Variants in SERPINA12 observed in about 807,000 individuals in gnomAD.
SERPINA12 encodes the protein serpin family A member 12.
In SERPINA12, 21 loss-of-function variants were observed where a neutral mutation model predicts 25.9. That is an observed-to-expected ratio of 0.81 (90% CI 0.58 to 1.17). The LOEUF (loss-of-function observed/expected upper bound fraction) is 1.17. SERPINA12 is among the 50% of genes most tolerant of loss of function. The pLI is 0.00. For synonymous variants in SERPINA12, 220 were observed against 196.0 expected (o/e 1.12, Z -1.02); for missense variants, 562 against 508.3 (o/e 1.11, Z -1.02).
chr14:94,511,792 C>T (rs1457959533), upstream of SERPINA12: 1 of 880,726 alleles, frequency 1.1e-6, no homozygotes, highest in African/African-American at 1.8e-5. Context: ...CACAAGTCCT[C>T]ATAAGCTCAC....
chr14:94,489,133 AAGAG>A lies in SERPINA12; in HGVS notation c.1053+483_1053+486del, dbSNP rs368739327. On this transcript the variant is annotated intron_variant, in intron 4 of 4. Coordinates refer to ENST00000677451, the MANE Select transcript of SERPINA12 (RefSeq NM_001382267.1). ...AAAGAAAGAAAGGAAGGAAGGAAGGAAGAGAGAGAGAGAGAGAGAAAGAAAGAAA... is the reference window on the plus strand; with the variant it reads ...AAAGAAAGAAAGGAAGGAAGGAAGGAAGAGAGAGAGAGAGAAAGAAAGAAA... 1.1e-3 allele frequency among the ~76,000 whole-genome samples: 158 copies of A among 145,778 alleles called. 2 individuals are homozygous for A. The highest frequency in any genetic ancestry group is 8.0e-4 in the East Asian group (4 of 4,980).
chr14:94,507,279 A>G (rs763504554), intron 1 of SERPINA12, among the ~76,000 whole-genome samples: 40 of 152,260 alleles, frequency 2.6e-4, no homozygotes, highest in Non-Finnish European at 3.5e-4. Flanking sequence ...AGCTTCTAGA[A>G]GAAAATATAT....
chr14:94,511,664 C>T (rs917068862), upstream of SERPINA12: 1 of 985,332 alleles, frequency 1.0e-6, no homozygotes, highest in African/African-American at 1.7e-5. Context: ...CTCTCACCTG[C>T]CTTTCCCTCA....
chr14:94,494,695 T>C (rs1481493949), intron 3 of SERPINA12, among the ~76,000 whole-genome samples: 2 of 152,212 alleles, frequency 1.3e-5, no homozygotes, highest in Non-Finnish European at 2.9e-5. Flanking sequence ...GCTGAGAACC[T>C]TGGAGCTCTG....
chr14:94,509,969 C>G, upstream of SERPINA12: 1 of 985,376 alleles, frequency 1.0e-6, no homozygotes, highest in Non-Finnish European at 1.2e-6. Context: ...CACAGATGTT[C>G]ACATGGCCCT....
intron 4 of SERPINA12, among the ~76,000 whole-genome samples, chr14:94,487,980 A>C: frequency 6.6e-6 from 1 of 152,166 alleles, no homozygotes; most frequent in Non-Finnish European, 1.5e-5. Context: ...AACGTCTGTA[A>C]ACAGGTGATC....
chr14:94,502,478 T>C (rs1458043554), intron 1 of SERPINA12, among the ~76,000 whole-genome samples: 1 of 152,184 alleles, frequency 6.6e-6, no homozygotes, highest in Admixed American at 6.5e-5. Flanking sequence ...ATATTTCTAA[T>C]TTTACAAAGC....
At chr14:94,500,971 T>G in intron 1 of SERPINA12, 1 of 983,750 alleles carries the variant, frequency 1.0e-6, no homozygotes, top group Non-Finnish European at 1.2e-6. Context: ...AGAAAGCACT[T>G]CCCTCTCTGA....
chr14:94,506,222 G>T (rs1040256566), intron 1 of SERPINA12, among the ~76,000 whole-genome samples: 5 of 152,268 alleles, frequency 3.3e-5, no homozygotes, highest in African/African-American at 9.6e-5. Flanking sequence ...TTACATTATT[G>T]CCATGTGTAG....
intron 4 of SERPINA12, among the ~76,000 whole-genome samples, chr14:94,488,496 G>C (rs1277304948): frequency 6.6e-6 from 1 of 151,830 alleles, no homozygotes; most frequent in Non-Finnish European, 1.5e-5. Context: ...CCCAAAGTAG[G>C]GTTGCCAGGT....
chr14:94,487,558 G>A, intron 4 of SERPINA12, 64 bp from the exon 5 acceptor site: 2 of 1,434,180 alleles, frequency 1.4e-6, no homozygotes, highest in African/African-American at 1.4e-5. Context: ...TGGGCCGGAG[G>A]CCCAGAGAGG....
At position 94,514,969 on chromosome 14, in the gene SERPINA12, G is replaced by A. The variant is rs116592139; in HGVS notation, c.-18+851C>T. Among the ~76,000 whole-genome samples, 664 of 152,296 alleles carry A rather than the reference G, an allele frequency of 4.4e-3. 4 individuals carry two copies. Among genetic ancestry groups the A allele is most frequent in the African/African-American group, 0.015 (625 of 41,560 alleles). On this transcript the variant is annotated intron_variant, in intron 2 of 5. Transcript: ENST00000341228. Reference sequence around the variant, plus strand: ...ACTTCCACGGACTGAGGAAACCCACGGTGGCCGGAGAAATGGTGCTGTCTG... The same window carrying A: ...ACTTCCACGGACTGAGGAAACCCACAGTGGCCGGAGAAATGGTGCTGTCTG...
chr14:94,487,582 A>G, intron 4 of SERPINA12, 88 bp from the exon 5 acceptor site: 2 of 1,200,376 alleles, frequency 1.7e-6, no homozygotes, highest in Non-Finnish European at 2.3e-6. Flanking sequence ...AGAGAGGAAG[A>G]CCACTTGGCC....
upstream of SERPINA12, among the ~76,000 whole-genome samples, chr14:94,513,734 T>C (rs900438321): frequency 6.6e-6 from 1 of 152,176 alleles, no homozygotes; most frequent in Non-Finnish European, 1.5e-5. Context: ...TTTTAAAAAA[T>C]TACTGGGTGC....
At chr14:94,493,246 T>C (rs1900252024) in intron 3 of SERPINA12, among the ~76,000 whole-genome samples, 1 of 152,194 alleles carries the variant, frequency 6.6e-6, no homozygotes, top group Non-Finnish European at 1.5e-5. Flanking sequence ...GGAATGTTTG[T>C]TCCTATCATG....
intron 1 of SERPINA12, among the ~76,000 whole-genome samples, chr14:94,508,138 A>T (rs1901001184): frequency 6.6e-6 from 1 of 152,206 alleles, no homozygotes; most frequent in South Asian, 2.1e-4. Flanking sequence ...CACTAGAACA[A>T]ATTATACTGT....
Position 94,487,499 on chromosome 14 carries a change from G to T in SERPINA12, c.1054-5C>A, listed in dbSNP as rs200583511. The T allele has an allele frequency of 6.3e-7, 1 of 1,597,796 alleles. No individual in the cohort carries two copies. The highest frequency in any genetic ancestry group is 1.7e-5 in the Admixed American group (1 of 57,378). The stretch of plus-strand genomic sequence containing the variant: ...CAGCTCAGCCTTGTGCACAGCCTAC[G>T]GAAGCCAAGGGCAAAGTCAAGGTCT... On this transcript the variant is annotated splice_region_variant and splice_polypyrimidine_tract_variant and intron_variant, in intron 4 of 4. Transcript: ENST00000677451.
chr14:94,487,365 A>G lies in SERPINA12; in HGVS notation c.1183T>C (p.Tyr395His). Residue 395 changes from tyrosine (Y) to histidine (H), a missense_variant, in exon 5 of 5, where the codon TAC becomes CAC. Tyr to His is a moderately conservative substitution (Grantham distance 83). Transcript: ENST00000677451. ...AGCACGGAAGGTATTTTCTCGCTGT[A>G]AATCAGCAGCAGATAGGGTTTGTCT... is the stretch of plus-strand genomic sequence containing the variant. Reference protein sequence around the residue: ...KIDKPYLLLIYSEKIPSVLFL... With the variant: ...KIDKPYLLLIHSEKIPSVLFL... 6.2e-7 allele frequency: 1 copy of G among 1,614,144 alleles called. No homozygotes were observed. The highest frequency in any genetic ancestry group is 8.5e-7 in the Non-Finnish European group (1 of 1,180,008).
At chr14:94,510,294 G>C, upstream of SERPINA12, 1 of 983,498 alleles carries the variant, frequency 1.0e-6, no homozygotes. Context: ...ATTCAAGCCA[G>C]ATCTAGATGC....
Sources: gnomAD v4.1 joint callset for allele counts (sites outside exome capture counted in the v4.1 genomes callset) on GRCh38, gnomAD v4.1.1 for gene constraint, MANE v1.5 for transcripts, NCBI Gene and HGNC (gene_info 2026-07-23, HGNC 2026-07-21) for gene names.